The following CNTNAP2 variants were observed in gnomAD, a reference collection of about 807,000 sequenced individuals.
CNTNAP2 encodes contactin-associated protein-like 2.
CNTNAP2 carries 98 observed loss-of-function variants against 155.2 expected under a neutral mutation model. The observed-to-expected ratio is 0.63, with a 90% confidence interval of 0.54 to 0.75. The LOEUF is 0.75. CNTNAP2 is among the 30% of genes least tolerant of loss of function. CNTNAP2 has a pLI of 0.00. For synonymous variants in CNTNAP2, 651 were observed against 631.2 expected (o/e 1.03, Z -0.47); for missense variants, 1,727 against 1,688.1 (o/e 1.02, Z -0.40).
At chr7:147,791,638 C>A (rs953162758) in intron 13 of CNTNAP2, among the ~76,000 whole-genome samples, 16 of 152,102 alleles carry the variant, frequency 1.1e-4, no homozygotes, top group African/African-American at 3.9e-4. Context: ...ACAGTTTGCA[C>A]TGTACTCTGA....
intron 15 of CNTNAP2, among the ~76,000 whole-genome samples, chr7:148,069,505 G>A (rs1039153602): frequency 1.3e-5 from 2 of 152,152 alleles, no homozygotes; most frequent in Non-Finnish European, 2.9e-5. Flanking sequence ...GCTCACACCT[G>A]TAATTCCAGC....
chr7:147,802,869 C>T (rs1168768085), intron 13 of CNTNAP2, among the ~76,000 whole-genome samples: 3 of 151,570 alleles, frequency 2.0e-5, no homozygotes, highest in East Asian at 3.9e-4. Flanking sequence ...TTTAAGGTAA[C>T]GTGTAGGTTA....
chr7:147,416,116 T>A (rs1465158580), intron 10 of CNTNAP2, among the ~76,000 whole-genome samples: 1 of 152,240 alleles, frequency 6.6e-6, no homozygotes, highest in Non-Finnish European at 1.5e-5. Flanking sequence ...AGCAATGACT[T>A]CCTGTGGGTG....
At position 146,870,140 on chromosome 7, in the gene CNTNAP2, G is replaced by A. The variant is rs564056124; in HGVS notation, c.402+30236G>A. Among the ~76,000 whole-genome samples, 9 of 151,898 alleles carry A rather than the reference G, an allele frequency of 5.9e-5. No individual in the cohort carries two copies. In the South Asian group the frequency reaches 1.9e-3, roughly 32 times the overall value. ...TCTCCCTCCTCAATATTTTGGAATA[G>A]TTTCTGTGGAATGGTACCGGCTCTT... On this transcript the variant is annotated intron_variant, in intron 3 of 23. Transcript: ENST00000361727.
intron 1 of CNTNAP2, among the ~76,000 whole-genome samples, chr7:146,231,015 A>AAAT (rs1799373846): frequency 1.2e-5 from 1 of 80,656 alleles, no homozygotes. Context: ...ACTTTGTCTC[A>AAAT]AAATAAATAA....
At chr7:147,409,722 T>TA (rs1219472030) in intron 10 of CNTNAP2, among the ~76,000 whole-genome samples, 3 of 149,672 alleles carry the variant, frequency 2.0e-5, no homozygotes, top group Non-Finnish European at 3.0e-5. Flanking sequence ...ACAATCCCAC[T>TA]AAAAAGTGGG....
rs187656880 is a variant in CNTNAP2, at chr7:146,733,598, T to C, written c.98-40673T>C. On this transcript the variant is annotated intron_variant, in intron 1 of 23. Coordinates refer to ENST00000361727, the MANE Select transcript of CNTNAP2 (RefSeq NM_014141.6). Reference sequence around the variant, plus strand: ...TTAAGTGACATTTACTTAGTTTGACTACCCTTTCCTATAGCGAATAAACTG... The same window carrying C: ...TTAAGTGACATTTACTTAGTTTGACCACCCTTTCCTATAGCGAATAAACTG... 8.2e-3 allele frequency among the ~76,000 whole-genome samples: 1,243 copies of C among 152,210 alleles called. 7 individuals carry two copies. The highest frequency in any genetic ancestry group is 0.014 in the Non-Finnish European group (965 of 67,974).
intron 3 of CNTNAP2, among the ~76,000 whole-genome samples, chr7:146,933,781 G>T (rs549523593): frequency 6.6e-6 from 1 of 152,042 alleles, no homozygotes; most frequent in African/African-American, 2.4e-5. Context: ...GTGGGCAAAG[G>T]ACATGAACAG....
intron 1 of CNTNAP2, among the ~76,000 whole-genome samples, chr7:146,746,388 CAT>C (rs1238887387): frequency 1.3e-5 from 2 of 152,016 alleles, no homozygotes; most frequent in South Asian, 2.1e-4. Context: ...ACATTTTTGA[CAT>C]ATGTTTTCAT....
At chr7:147,656,508 TAAG>T (rs1233735353) in intron 13 of CNTNAP2, among the ~76,000 whole-genome samples, 1 of 152,162 alleles carries the variant, frequency 6.6e-6, no homozygotes, top group Non-Finnish European at 1.5e-5. Context: ...TCTCAAGGAA[TAAG>T]AAGGCCTGAG....
intron 4 of CNTNAP2, among the ~76,000 whole-genome samples, chr7:147,097,792 A>G (rs991354015): frequency 2.0e-5 from 3 of 152,208 alleles, no homozygotes; most frequent in African/African-American, 7.2e-5. Flanking sequence ...AAAAATTAAG[A>G]TGGTGGGAAA....
chr7:148,004,041 T>G (rs1052631520), intron 15 of CNTNAP2, among the ~76,000 whole-genome samples: 2 of 152,190 alleles, frequency 1.3e-5, no homozygotes, highest in Admixed American at 1.3e-4. Flanking sequence ...AGAGGTTACA[T>G]CAAATATTTA....
intron 4 of CNTNAP2, among the ~76,000 whole-genome samples, chr7:147,093,097 C>T (rs936734749): frequency 1.3e-5 from 2 of 150,294 alleles, no homozygotes; most frequent in African/African-American, 4.9e-5. Flanking sequence ...ATATATTAGC[C>T]GGGCGTGGTG....
intron 13 of CNTNAP2, among the ~76,000 whole-genome samples, chr7:147,889,709 T>C (rs1369880718): frequency 6.6e-6 from 1 of 152,144 alleles, no homozygotes. Flanking sequence ...TCTGAGGTGA[T>C]CAAAATATTT....
At chr7:147,255,905 CT>C (rs1563135569) in intron 8 of CNTNAP2, among the ~76,000 whole-genome samples, 2 of 151,794 alleles carry the variant, frequency 1.3e-5, no homozygotes, top group Non-Finnish European at 1.5e-5. Context: ...GCCCAGCTAA[CT>C]TTTTTTGTAT....
chr7:146,765,217 T>C (rs1451332765), intron 1 of CNTNAP2, among the ~76,000 whole-genome samples: 1 of 152,218 alleles, frequency 6.6e-6, no homozygotes, highest in Non-Finnish European at 1.5e-5. Context: ...AGTCATGTAC[T>C]GTACTGATGA....
At chr7:146,249,348 T>TA (rs1171249992) in intron 1 of CNTNAP2, among the ~76,000 whole-genome samples, 4 of 152,186 alleles carry the variant, frequency 2.6e-5, no homozygotes, top group African/African-American at 9.7e-5. Context: ...GCTCCATTGC[T>TA]AAAAAAATTC....
intron 1 of CNTNAP2, among the ~76,000 whole-genome samples, chr7:146,645,864 C>A (rs1179272747): frequency 6.6e-6 from 1 of 152,002 alleles, no homozygotes; most frequent in Non-Finnish European, 1.5e-5. Flanking sequence ...ACTTCCAGAT[C>A]TGTCTGTCTT....
intron 13 of CNTNAP2, among the ~76,000 whole-genome samples, chr7:147,878,294 G>A (rs958306541): frequency 2.0e-5 from 3 of 152,038 alleles, no homozygotes; most frequent in African/African-American, 7.2e-5. Context: ...TAGTGATGAT[G>A]ATGATGATTT....
Sources: gnomAD v4.1 joint callset for allele counts (sites outside exome capture counted in the v4.1 genomes callset) on GRCh38, gnomAD v4.1.1 for gene constraint, MANE v1.5 for transcripts, NCBI Gene and HGNC (gene_info 2026-07-23, HGNC 2026-07-21) for gene names.